The following SLC8A1 variants were observed in gnomAD, a reference collection of about 807,000 sequenced individuals.
SLC8A1 encodes the protein sodium/calcium exchanger 1.
SLC8A1 carries 18 observed loss-of-function variants against 68.3 expected under a neutral mutation model. That is an observed-to-expected ratio of 0.26 (90% CI 0.18 to 0.39). The LOEUF (loss-of-function observed/expected upper bound fraction) is 0.39, where lower values mean the gene tolerates loss of function less well. SLC8A1 is among the 10% of genes least tolerant of loss of function. The pLI, the probability that SLC8A1 is intolerant of heterozygous loss-of-function variation, is 1.00. For missense variants in SLC8A1, 985 were observed against 1,156.7 expected, an observed-to-expected ratio of 0.85 and a Z score of 2.15; for synonymous variants, 475 against 415.5, an observed-to-expected ratio of 1.14 and a Z score of -1.74.
chr2:40,312,734 G>C (rs1231278888), intron 2 of SLC8A1, among the ~76,000 whole-genome samples: 1 of 152,066 alleles, frequency 6.6e-6, no homozygotes, highest in South Asian at 2.1e-4. Context: ...CCTACTTTTA[G>C]ATTTGGAACC....
At chr2:40,401,856 A>G (rs1295590136) in intron 2 of SLC8A1, among the ~76,000 whole-genome samples, 2 of 152,198 alleles carry the variant, frequency 1.3e-5, no homozygotes, top group Non-Finnish European at 2.9e-5. Flanking sequence ...TCTTGACTTT[A>G]TGGGTCATGT....
chr2:40,474,175 AAT>A (rs924860617), intron 1 of SLC8A1, among the ~76,000 whole-genome samples: 1 of 152,122 alleles, frequency 6.6e-6, no homozygotes, highest in Admixed American at 6.5e-5. Context: ...GTTCTCTAGG[AAT>A]ATGATTTTAA....
exon 8 of SLC8A1, chr2:40,106,253 A>G (rs1471073000): frequency 6.6e-6 from 1 of 152,196 alleles, no homozygotes; most frequent in African/African-American, 2.4e-5. Flanking sequence ...AGTCAGAACT[A>G]TCAGGCTGGG....
chr2:40,101,740 G>A (rs1344420276), exon 8 of SLC8A1: 2 of 151,968 alleles, frequency 1.3e-5, no homozygotes, highest in African/African-American at 4.8e-5. Context: ...GTTCATTCTT[G>A]GCCACTCAGA....
At chr2:40,241,013 A>C (rs1365402712) in intron 2 of SLC8A1, among the ~76,000 whole-genome samples, 1 of 152,252 alleles carries the variant, frequency 6.6e-6, no homozygotes, top group African/African-American at 2.4e-5. Flanking sequence ...TACCCAAAGG[A>C]AAATAAATCA....
chr2:40,409,260 T>C (rs989425129), intron 2 of SLC8A1, among the ~76,000 whole-genome samples: 1 of 152,114 alleles, frequency 6.6e-6, no homozygotes, highest in African/African-American at 2.4e-5. Flanking sequence ...ATTTTGTTAC[T>C]AGGGTATATT....
chr2:40,198,627 T>C (rs762955665), intron 2 of SLC8A1, among the ~76,000 whole-genome samples: 11 of 152,068 alleles, frequency 7.2e-5, no homozygotes, highest in Non-Finnish European at 1.3e-4. Context: ...GTAATACAGA[T>C]AACAAGGAGA....
At chr2:40,194,237 T>TGTTAA (rs2052482645) in intron 2 of SLC8A1, among the ~76,000 whole-genome samples, 1 of 152,112 alleles carries the variant, frequency 6.6e-6, no homozygotes, top group African/African-American at 2.4e-5. Flanking sequence ...TGGGCATATA[T>TGTTAA]GTTAAGTTTT....
At chr2:40,342,172 A>G (rs1667899888) in intron 2 of SLC8A1, among the ~76,000 whole-genome samples, 1 of 152,134 alleles carries the variant, frequency 6.6e-6, no homozygotes, top group Admixed American at 6.5e-5. Context: ...TTGAAAAGAT[A>G]ACCCCAAGGG....
upstream of SLC8A1, among the ~76,000 whole-genome samples, chr2:40,456,700 G>C (rs1703046494): frequency 6.6e-6 from 1 of 152,188 alleles, no homozygotes; most frequent in Non-Finnish European, 1.5e-5. Context: ...CCTGATCATA[G>C]TAATTGCTCA....
At position 40,330,219 on chromosome 2, in the gene SLC8A1, A is replaced by C. The variant is rs181313354; in HGVS notation, c.1808+98254T>G. Reference sequence around the variant, plus strand: ...AGGTACCATATTTTTCCATTTGCATAGTAGAGGCAGGATGATAGTATATGT... The same window carrying C: ...AGGTACCATATTTTTCCATTTGCATCGTAGAGGCAGGATGATAGTATATGT... On this transcript the variant is annotated intron_variant, in intron 2 of 7. Coordinates refer to ENST00000406785, the Ensembl canonical transcript of SLC8A1. Among the ~76,000 whole-genome samples, 572 of 152,298 alleles carry C rather than the reference A, an allele frequency of 3.8e-3. 2 individuals are homozygous for C. Among genetic ancestry groups the C allele is most frequent in the Non-Finnish European group, 5.7e-3 (386 of 68,034 alleles).
intron 2 of SLC8A1, among the ~76,000 whole-genome samples, chr2:40,359,932 A>G (rs1197934137): frequency 2.9e-5 from 1 of 34,528 alleles, no homozygotes; most frequent in African/African-American, 6.8e-5. Flanking sequence ...AGTTTAACTT[A>G]AAAAAAAAAA....
At chr2:40,503,524 G>A (rs1379384340) in intron 1 of SLC8A1, among the ~76,000 whole-genome samples, 3 of 151,930 alleles carry the variant, frequency 2.0e-5, no homozygotes, top group Non-Finnish European at 4.4e-5. Flanking sequence ...AACTGTCCTT[G>A]TTTGCCGATG....
intron 1 of SLC8A1, among the ~76,000 whole-genome samples, chr2:40,494,175 T>C (rs1379454587): frequency 6.6e-6 from 1 of 152,066 alleles, no homozygotes; most frequent in African/African-American, 2.4e-5. Flanking sequence ...CACTTCCATG[T>C]GGTGACTCCC....
chr2:40,402,878 G>T (rs1689161050), intron 2 of SLC8A1, among the ~76,000 whole-genome samples: 1 of 152,210 alleles, frequency 6.6e-6, no homozygotes, highest in Non-Finnish European at 1.5e-5. Context: ...TCTCTCAGAT[G>T]AAAGTCATTG....
At chr2:40,443,068 C>T (rs1700800244) in intron 1 of SLC8A1, among the ~76,000 whole-genome samples, 1 of 151,798 alleles carries the variant, frequency 6.6e-6, no homozygotes, top group Non-Finnish European at 1.5e-5. Flanking sequence ...AACACATGGA[C>T]ACAGGGAGGG....
At chr2:40,140,036 T>A (rs1265134780) in intron 6 of SLC8A1, among the ~76,000 whole-genome samples, 1 of 152,252 alleles carries the variant, frequency 6.6e-6, no homozygotes, top group East Asian at 1.9e-4. Flanking sequence ...GCCTGAGAAA[T>A]AACCCTCTTT....
At chr2:40,462,611 C>T (rs909900071) in intron 1 of SLC8A1, among the ~76,000 whole-genome samples, 1 of 151,372 alleles carries the variant, frequency 6.6e-6, no homozygotes. Flanking sequence ...AGTTCGAGAC[C>T]AGCCTGAGCA....
chr2:40,155,867 G>C (rs535698763), intron 6 of SLC8A1, among the ~76,000 whole-genome samples: 84 of 152,268 alleles, frequency 5.5e-4, no homozygotes, highest in African/African-American at 2.0e-3. Flanking sequence ...AATGTAGTGA[G>C]TGTGGACAGG....
Sources: gnomAD v4.1 joint callset for allele counts (sites outside exome capture counted in the v4.1 genomes callset) on GRCh38, gnomAD v4.1.1 for gene constraint, MANE v1.5 for transcripts, NCBI Gene and HGNC (gene_info 2026-07-23, HGNC 2026-07-21) for gene names.